Variants in NF2 observed in about 807,000 individuals in gnomAD.
NF2 encodes merlin.
In NF2, 8 loss-of-function variants were observed where a neutral mutation model predicts 83.7. The observed-to-expected ratio is 0.10, with a 90% CI of 0.06 to 0.17. The LOEUF (loss-of-function observed/expected upper bound fraction) is 0.17, where lower values mean the gene tolerates loss of function less well. Ranked by LOEUF, NF2 falls within the 10% of genes least tolerant of loss-of-function variation. The pLI is 1.00. For synonymous variants in NF2, 266 were observed against 269.6 expected, an observed-to-expected ratio of 0.99 and a Z score of 0.13; for missense variants, 533 against 744.4, an observed-to-expected ratio of 0.72 and a Z score of 3.31.
At chr22:29,606,252 C>G (rs1054707347) in intron 1 of NF2, among the ~76,000 whole-genome samples, 2 of 152,274 alleles carry the variant, frequency 1.3e-5, no homozygotes, top group South Asian at 4.1e-4. Context: ...CTGTGCCCTG[C>G]GAAAAGTTGG....
At chr22:29,683,856 C>A in intron 15 of NF2, 1 of 1,055,700 alleles carries the variant, frequency 9.5e-7, no homozygotes, top group Non-Finnish European at 1.1e-6. Flanking sequence ...ATTCCTCCAG[C>A]ATGCCTAGGC....
At chr22:29,645,759 A>G (rs969341790) in intron 4 of NF2, among the ~76,000 whole-genome samples, 1 of 152,168 alleles carries the variant, frequency 6.6e-6, no homozygotes, top group Non-Finnish European at 1.5e-5. Flanking sequence ...CTGTAGAAAA[A>G]AATTACTTTT....
intron 8 of NF2, among the ~76,000 whole-genome samples, chr22:29,664,227 C>A (rs1322057479): frequency 1.3e-5 from 2 of 152,142 alleles, no homozygotes; most frequent in African/African-American, 2.4e-5. Context: ...CCTGCTTTGG[C>A]CTTCCAAAGT....
chr22:29,691,279 A>C (rs1241749688), intron 15 of NF2, among the ~76,000 whole-genome samples: 1 of 152,072 alleles, frequency 6.6e-6, no homozygotes, highest in Non-Finnish European at 1.5e-5. Context: ...TTTTGTTTGG[A>C]ATTCAGGGTG....
At chr22:29,641,908 G>T (rs1049925839) in intron 3 of NF2, among the ~76,000 whole-genome samples, 1 of 152,136 alleles carries the variant, frequency 6.6e-6, no homozygotes, top group Non-Finnish European at 1.5e-5. Flanking sequence ...AGTTCATAGC[G>T]CTCTGTCACA....
chr22:29,654,635 G>C (rs2146966004), intron 4 of NF2, 22 bp from the exon 5 acceptor site: 3 of 1,609,824 alleles, frequency 1.9e-6, no homozygotes, highest in Non-Finnish European at 2.6e-6. Context: ...TCAATCGCCT[G>C]CTCTCCCTTT....
rs190596693 is a variant in NF2, at chr22:29,654,640, C to T, written c.448-17C>T. 3.8e-4 allele frequency: 610 copies of T among 1,612,448 alleles called. 3 individuals are homozygous for T. In the African/African-American group the frequency reaches 7.5e-3, roughly 20 times the overall value. Reference sequence around the variant, plus strand: ...CTTTAGAATCTCAATCGCCTGCTCTCCCTTTCTTCTTTCCAGTATGGTGAC... The same window carrying T: ...CTTTAGAATCTCAATCGCCTGCTCTTCCTTTCTTCTTTCCAGTATGGTGAC... On this transcript the variant is annotated splice_polypyrimidine_tract_variant and intron_variant, in intron 4 of 15. Coordinates refer to ENST00000338641, the MANE Select transcript of NF2 (RefSeq NM_000268.4).
Position 29,686,774 on chromosome 22 carries a change from A to C in NF2, c.1737+5173A>C, listed in dbSNP as rs138794521. Among the ~76,000 whole-genome samples, 503 of 152,282 alleles carry C rather than the reference A, an allele frequency of 3.3e-3. 20 individuals are homozygous for C. The South Asian group carries it at 0.04, about 12-fold the overall frequency. ...TTTCCATTTTTCCCAATTGATGATCAGTACAACTAGTTTGCCATTTGCATC... is the reference window on the plus strand; with the variant it reads ...TTTCCATTTTTCCCAATTGATGATCCGTACAACTAGTTTGCCATTTGCATC... On this transcript the variant is annotated intron_variant, in intron 15 of 15. Transcript: ENST00000338641.
intron 2 of NF2, among the ~76,000 whole-genome samples, 156 bp from the exon 3 acceptor site, chr22:29,638,934 T>C (rs2065722594): frequency 6.6e-6 from 1 of 152,266 alleles, no homozygotes; most frequent in African/African-American, 2.4e-5. Context: ...TAGGTGACTT[T>C]GTGAATACTT....
At chr22:29,663,546 C>T (rs1487962052) in intron 8 of NF2, among the ~76,000 whole-genome samples, 3 of 152,236 alleles carry the variant, frequency 2.0e-5, no homozygotes, top group East Asian at 1.9e-4. Context: ...GCAGAGCCTG[C>T]GGTTTCCCCA....
intron 1 of NF2, among the ~76,000 whole-genome samples, chr22:29,624,813 C>CTT (rs1270595370): frequency 3.5e-5 from 4 of 115,024 alleles, no homozygotes; most frequent in Non-Finnish European, 5.6e-5. Flanking sequence ...TTCTTTCTTT[C>CTT]TTTCTTTCTT....
chr22:29,633,964 A>C (rs912366451), intron 1 of NF2, among the ~76,000 whole-genome samples: 3 of 152,222 alleles, frequency 2.0e-5, no homozygotes, highest in Admixed American at 2.0e-4. Flanking sequence ...GCTGTAAACG[A>C]GCAATATCTG....
intron 4 of NF2, among the ~76,000 whole-genome samples, chr22:29,647,434 G>A (rs930313005): frequency 9.9e-5 from 15 of 152,176 alleles, no homozygotes; most frequent in Non-Finnish European, 1.8e-4. Context: ...TCCTGTAGGC[G>A]ATGCAGTGAA....
intron 15 of NF2, among the ~76,000 whole-genome samples, chr22:29,688,297 C>G (rs1345948880): frequency 1.3e-5 from 2 of 152,192 alleles, no homozygotes; most frequent in Non-Finnish European, 2.9e-5. Flanking sequence ...TGTTCGGCCC[C>G]TCGGCACTGA....
At chr22:29,673,741 C>G (rs1212498850) in intron 12 of NF2, among the ~76,000 whole-genome samples, 1 of 152,230 alleles carries the variant, frequency 6.6e-6, no homozygotes, top group East Asian at 1.9e-4. Flanking sequence ...TTGATAAGCC[C>G]CTGTCCCTCT....
At chr22:29,610,643 CAAA>C (rs547702227) in intron 1 of NF2, among the ~76,000 whole-genome samples, 9 of 95,560 alleles carry the variant, frequency 9.4e-5, no homozygotes, top group Admixed American at 2.4e-4. Flanking sequence ...GACTCCATCT[CAAA>C]AAAAAAAAAA....
chr22:29,644,380 G>A (rs550613541), intron 4 of NF2, among the ~76,000 whole-genome samples: 2 of 151,172 alleles, frequency 1.3e-5, no homozygotes, highest in South Asian at 2.1e-4. Flanking sequence ...GGGAAGAGGC[G>A]CTCCTCACTT....
chr22:29,611,224 A>T (rs951936314), intron 1 of NF2, among the ~76,000 whole-genome samples: 1 of 152,218 alleles, frequency 6.6e-6, no homozygotes, highest in Non-Finnish European at 1.5e-5. Flanking sequence ...AGCTAACTTC[A>T]TAATAGTGAG....
chr22:29,613,531 A>C (rs2065007271), intron 1 of NF2, among the ~76,000 whole-genome samples: 1 of 152,106 alleles, frequency 6.6e-6, no homozygotes, highest in South Asian at 2.1e-4. Flanking sequence ...ATTCCATTTC[A>C]AAAAAATAAA....
Sources: gnomAD v4.1 joint callset for allele counts (sites outside exome capture counted in the v4.1 genomes callset) on GRCh38, gnomAD v4.1.1 for gene constraint, MANE v1.5 for transcripts, NCBI Gene and HGNC (gene_info 2026-07-23, HGNC 2026-07-21) for gene names.